The following RBFOX1 variants were observed in gnomAD, a reference collection of about 807,000 sequenced individuals.
RBFOX1 encodes RNA binding fox-1 homolog 1, also known as RNA binding protein fox-1 homolog 1.
Under a neutral mutation model 57.7 loss-of-function variants are expected in RBFOX1, and 8 were observed. The ratio of observed to expected loss-of-function variants is 0.14; its 90% CI spans 0.08 to 0.25. The LOEUF is 0.25. Among genes scored for constraint, RBFOX1 ranks in the 10% least tolerant of loss-of-function variants. The pLI, the probability that RBFOX1 is intolerant of heterozygous loss-of-function variation, is 1.00. For synonymous variants in RBFOX1, 326 were observed against 222.4 expected, an observed-to-expected ratio of 1.47 and a Z score of -4.15; for missense variants, 611 against 548.5, an observed-to-expected ratio of 1.11 and a Z score of -1.14.
intron 4 of RBFOX1, among the ~76,000 whole-genome samples, chr16:7,110,028 A>G (rs923356364): frequency 6.6e-6 from 1 of 151,968 alleles, no homozygotes; most frequent in Non-Finnish European, 1.5e-5. Flanking sequence ...GTTATAATTC[A>G]CCTGTTTATT....
chr16:7,398,645 G>A (rs1288838813), intron 4 of RBFOX1, among the ~76,000 whole-genome samples: 1 of 152,208 alleles, frequency 6.6e-6, no homozygotes, highest in Non-Finnish European at 1.5e-5. Context: ...GAGACTGCCA[G>A]AGAGGCAATT....
At chr16:7,280,336 A>G (rs2095516788) in intron 4 of RBFOX1, among the ~76,000 whole-genome samples, 1 of 152,190 alleles carries the variant, frequency 6.6e-6, no homozygotes, top group South Asian at 2.1e-4. Flanking sequence ...CTCCCTCCAT[A>G]GACCCTAAGA....
At chr16:5,949,897 T>C (rs769500484) in intron 4 of RBFOX1, among the ~76,000 whole-genome samples, 9 of 152,148 alleles carry the variant, frequency 5.9e-5, no homozygotes, top group Non-Finnish European at 1.3e-4. Context: ...GCTTCGGTCA[T>C]AGAGTGTCTG....
At chr16:6,030,218 C>T (rs893693379) in intron 1 of RBFOX1, among the ~76,000 whole-genome samples, 3 of 152,084 alleles carry the variant, frequency 2.0e-5, no homozygotes, top group Non-Finnish European at 2.9e-5. Flanking sequence ...TATGCCCAGC[C>T]CTATGATGAT....
chr16:5,585,430 T>G (rs1000679037), intron 2 of RBFOX1, among the ~76,000 whole-genome samples: 2 of 152,222 alleles, frequency 1.3e-5, no homozygotes, highest in African/African-American at 4.8e-5. Context: ...CTGGGGTGTT[T>G]CCTGCTTTGG....
At chr16:6,700,166 C>T (rs1356336111) in intron 3 of RBFOX1, among the ~76,000 whole-genome samples, 1 of 150,484 alleles carries the variant, frequency 6.6e-6, no homozygotes, top group African/African-American at 2.5e-5. Flanking sequence ...TCATCAGAGC[C>T]AGAGTCGGGG....
chr16:5,877,860 G>A (rs1236450891), intron 4 of RBFOX1, among the ~76,000 whole-genome samples: 2 of 152,208 alleles, frequency 1.3e-5, no homozygotes, highest in Non-Finnish European at 2.9e-5. Flanking sequence ...GTGTTCCCAT[G>A]GTGATGATAA....
At chr16:5,908,873 A>AT (rs2058543747) in intron 4 of RBFOX1, among the ~76,000 whole-genome samples, 1 of 151,908 alleles carries the variant, frequency 6.6e-6, no homozygotes, top group Admixed American at 6.6e-5. Flanking sequence ...TAGTGTCCTT[A>AT]TAGAAGAGGT....
In RBFOX1 at chr16:6,735,304, A is replaced by C. The variant is rs1490045688; in HGVS notation, c.-16+80654A>C. On this transcript the variant is annotated intron_variant, in intron 3 of 15. Coordinates refer to ENST00000550418, the MANE Select transcript of RBFOX1 (RefSeq NM_018723.4). ...AACTCAGCCACTCACCAGTGGGTTCATGTTGGTGGAATTACTTAAACTCTA... is the reference window on the plus strand; with the variant it reads ...AACTCAGCCACTCACCAGTGGGTTCCTGTTGGTGGAATTACTTAAACTCTA... Among the ~76,000 whole-genome samples, 5 of 152,186 alleles carry C rather than the reference A, an allele frequency of 3.3e-5. 1 individual carries two copies. The South Asian group carries it at 1.0e-3, about 32-fold the overall frequency.
intron 2 of RBFOX1, among the ~76,000 whole-genome samples, chr16:6,362,642 T>C (rs770082971): frequency 4.6e-5 from 7 of 152,208 alleles, no homozygotes; most frequent in Non-Finnish European, 1.0e-4. Flanking sequence ...CATAGACTGA[T>C]ACTAGAATCC....
At chr16:7,215,332 T>G (rs920210636) in intron 4 of RBFOX1, among the ~76,000 whole-genome samples, 1 of 152,192 alleles carries the variant, frequency 6.6e-6, no homozygotes, top group African/African-American at 2.4e-5. Context: ...ATACTCAAAG[T>G]ATTATAAATC....
chr16:7,504,673 G>A (rs1312411982), intron 4 of RBFOX1, among the ~76,000 whole-genome samples: 1 of 133,770 alleles, frequency 7.5e-6, no homozygotes, highest in Non-Finnish European at 1.5e-5. Context: ...CTGAAAATGA[G>A]TTTATTACTC....
chr16:5,908,865 G>A (rs2058543322), intron 4 of RBFOX1, among the ~76,000 whole-genome samples: 1 of 151,950 alleles, frequency 6.6e-6, no homozygotes, highest in Non-Finnish European at 1.5e-5. Context: ...AGTGGGATTA[G>A]TGTCCTTATA....
In RBFOX1 at chr16:7,263,287, G is replaced by A. The variant is rs528476096; in HGVS notation, c.27+211189G>A. On this transcript the variant is annotated intron_variant, in intron 4 of 15. Transcript: ENST00000550418. ...ACCCAGGAAGCACAGGGGAGTTGAA[G>A]ATGCTTTGAAAGACCTGTTTGGCCC... Among the ~76,000 whole-genome samples, 5 of 152,290 alleles carry A rather than the reference G, an allele frequency of 3.3e-5. No homozygotes were observed. The East Asian group carries it at 5.8e-4, about 18-fold the overall frequency.
At chr16:7,708,279 G>C (rs940988394) in intron 14 of RBFOX1, among the ~76,000 whole-genome samples, 1 of 152,106 alleles carries the variant, frequency 6.6e-6, no homozygotes, top group Non-Finnish European at 1.5e-5. Flanking sequence ...ATATTTAGTA[G>C]GCATTCAGCA....
At chr16:5,710,551 A>T (rs1451039726) in intron 3 of RBFOX1, among the ~76,000 whole-genome samples, 1 of 152,208 alleles carries the variant, frequency 6.6e-6, no homozygotes, top group Admixed American at 6.5e-5. Context: ...CTCTCAAGGC[A>T]GCTTCCCAAT....
At chr16:5,862,100 T>A (rs182161789) in intron 3 of RBFOX1, among the ~76,000 whole-genome samples, 16 of 152,294 alleles carry the variant, frequency 1.1e-4, no homozygotes, top group African/African-American at 3.6e-4. Flanking sequence ...TACGCTGGTG[T>A]CAGACCATTC....
chr16:6,076,334 GCACACACACACATA>G (rs1377340241), intron 1 of RBFOX1, among the ~76,000 whole-genome samples: 1 of 149,220 alleles, frequency 6.7e-6, no homozygotes, highest in African/African-American at 2.5e-5. Context: ...AAACACACGC[GCACACACACACATA>G]CACACACACA....
chr16:6,681,346 C>T (rs189629787), intron 3 of RBFOX1, among the ~76,000 whole-genome samples: 2 of 152,186 alleles, frequency 1.3e-5, no homozygotes, highest in African/African-American at 4.8e-5. Flanking sequence ...ATATTTTGAT[C>T]GCATCTTGGT....
Sources: allele counts gnomAD v4.1 joint callset (sites outside exome capture counted in the v4.1 genomes callset), GRCh38; gene constraint gnomAD v4.1.1; transcripts MANE v1.5; gene names NCBI Gene and HGNC (gene_info 2026-07-23, HGNC 2026-07-21).